Variants in PRKCZ observed in about 807,000 individuals in gnomAD.
PRKCZ encodes protein kinase C zeta.
A neutral mutation model predicts 79.5 loss-of-function variants in PRKCZ; 33 were observed. That is an observed-to-expected ratio of 0.41 (90% CI 0.31 to 0.55). The LOEUF (loss-of-function observed/expected upper bound fraction) is 0.55, where lower values mean the gene tolerates loss of function less well. PRKCZ is among the 20% of genes least tolerant of loss of function. PRKCZ has a pLI of 0.19. For missense variants in PRKCZ, 578 were observed against 813.5 expected, an observed-to-expected ratio of 0.71 and a Z score of 3.52; for synonymous variants, 342 against 320.9, an observed-to-expected ratio of 1.07 and a Z score of -0.70.
chr1:2,169,380 C>T (rs547099613), intron 10 of PRKCZ, 138 bp from the exon 11 acceptor site: 2 of 760,660 alleles, frequency 2.6e-6, no homozygotes, highest in South Asian at 2.9e-5. Context: ...CCAGGGTGCT[C>T]CTGCTGCTCT....
rs1461039682 is a variant in PRKCZ, at chr1:2,094,472, G to A, written c.334+34881G>A. On this transcript the variant is annotated intron_variant, in intron 4 of 17. Transcript: ENST00000378567. This position sits in a 1 kb window ranked among gnomAD's most constrained non-coding sequence, Gnocchi z 7.3. ...GCTGTGCCCGGCTCGTTGAACCTTG[G>A]GCGCTGCCCGTTCTGAGGCGCCCTC... Among the ~76,000 whole-genome samples the A allele has an allele frequency of 6.9e-6, 1 of 144,680 alleles. No individual in the cohort carries two copies. Among genetic ancestry groups the A allele is most frequent in the Non-Finnish European group, 1.5e-5 (1 of 66,138 alleles). The allele number at this position is 144,680 out of a possible 152,430, so 94.9% of individuals were successfully genotyped here.
intron 10 of PRKCZ, among the ~76,000 whole-genome samples, chr1:2,159,761 A>G (rs1681842761): frequency 2.0e-5 from 3 of 152,228 alleles, no homozygotes; most frequent in Admixed American, 2.0e-4. Context: ...CACCTGCTTT[A>G]TGGACAAACC....
intron 4 of PRKCZ, among the ~76,000 whole-genome samples, chr1:2,069,852 T>A (rs1045522244): frequency 6.6e-6 from 1 of 152,152 alleles, no homozygotes; most frequent in Admixed American, 6.5e-5. Flanking sequence ...GCTCTGGGGC[T>A]CCTAAGTGGG....
At position 2,153,624 on chromosome 1, in the gene PRKCZ, C is replaced by T. The variant is rs142039093; in HGVS notation, c.877-2371C>T. ...GTGTGGTGCCCTGCTGACAGCCCCG[C>T]TGCTGGCCAGCGGCAGCACAGGAGG... On this transcript the variant is annotated intron_variant, in intron 9 of 17. Coordinates refer to ENST00000378567, the MANE Select transcript of PRKCZ (RefSeq NM_002744.6). 5.3e-5 allele frequency among the ~76,000 whole-genome samples: 8 copies of T among 152,376 alleles called. No individual in the cohort carries two copies. The East Asian group carries it at 1.5e-3, about 29-fold the overall frequency.
At chr1:2,096,575 A>C (rs1000904107) in intron 4 of PRKCZ, among the ~76,000 whole-genome samples, 2 of 152,110 alleles carry the variant, frequency 1.3e-5, no homozygotes, top group African/African-American at 4.8e-5. Flanking sequence ...CTGTTGGCCT[A>C]GTTCTGACAG....
intron 4 of PRKCZ, among the ~76,000 whole-genome samples, chr1:2,102,192 C>T (rs940465785): frequency 7.2e-5 from 11 of 152,250 alleles, no homozygotes; most frequent in Middle Eastern, 3.4e-3. Context: ...GGCCCTGCCC[C>T]GACCTCCACA....
At chr1:2,184,885 C>A (rs372825167) in intron 17 of PRKCZ, 37 bp from the exon 18 acceptor site, 2 of 1,562,020 alleles carry the variant, frequency 1.3e-6, no homozygotes, top group Admixed American at 1.7e-5. Flanking sequence ...AATGAACACA[C>A]GGTCACCCCC....
intron 4 of PRKCZ, among the ~76,000 whole-genome samples, chr1:2,091,177 G>A (rs919868708): frequency 4.6e-5 from 7 of 152,082 alleles, no homozygotes; most frequent in African/African-American, 1.2e-4. Flanking sequence ...GATTACAGGC[G>A]CTTGCCACCA....
At chr1:2,132,034 A>C (rs1675079425) in intron 4 of PRKCZ, among the ~76,000 whole-genome samples, 1 of 152,180 alleles carries the variant, frequency 6.6e-6, no homozygotes, top group South Asian at 2.1e-4. Flanking sequence ...GATGGTCTCG[A>C]TCTCCTGACC....
At chr1:2,070,995 G>A (rs938223067) in intron 4 of PRKCZ, among the ~76,000 whole-genome samples, 3 of 150,574 alleles carry the variant, frequency 2.0e-5, no homozygotes, top group Non-Finnish European at 4.4e-5. Flanking sequence ...CCACAGGGAC[G>A]TGGAGGGTGC....
chr1:2,052,556 T>A (rs937430754), intron 1 of PRKCZ, among the ~76,000 whole-genome samples: 3 of 151,902 alleles, frequency 2.0e-5, no homozygotes, highest in Non-Finnish European at 4.4e-5. Flanking sequence ...GGCTCTTCCC[T>A]GCTCCTACCA....
In PRKCZ at chr1:2,125,189, A is replaced by G. The variant is rs1439544039; in HGVS notation, c.335-10073A>G. Among the ~76,000 whole-genome samples the G allele has an allele frequency of 6.6e-6, 1 of 152,214 alleles. No homozygotes were observed. Among genetic ancestry groups the G allele is most frequent in the East Asian group, 1.9e-4 (1 of 5,200 alleles). The stretch of plus-strand genomic sequence containing the variant: ...GTGTTTTGTTTGTTTTAGTGAATCC[A>G]GAAAAAAAATTTCTTACATAGAAAG... On this transcript the variant is annotated intron_variant, in intron 4 of 17. Coordinates refer to ENST00000378567, the MANE Select transcript of PRKCZ (RefSeq NM_002744.6). This position sits in a 1 kb window ranked among gnomAD's most constrained non-coding sequence, Gnocchi z 4.2.
chr1:2,129,615 G>C (rs1674583361), intron 4 of PRKCZ, among the ~76,000 whole-genome samples: 1 of 152,154 alleles, frequency 6.6e-6, no homozygotes. Context: ...CAGGCGGGTG[G>C]AAGATGAGAG....
chr1:2,058,368 C>G (rs886810362), intron 3 of PRKCZ, among the ~76,000 whole-genome samples: 1 of 144,734 alleles, frequency 6.9e-6, no homozygotes, highest in Non-Finnish European at 1.5e-5. Flanking sequence ...GTCCCAGTTA[C>G]TCGGGAGGCT....
chr1:2,172,633 G>A lies in PRKCZ; in HGVS notation c.1285+245G>A, dbSNP rs866834152. ...AGGATTCCTCCTGCCAGGGAGCCCC[G>A]GGGCACAGGGAGGGGAAAGACACAG... On this transcript the variant is annotated intron_variant, in intron 13 of 17. Coordinates refer to ENST00000378567, the MANE Select transcript of PRKCZ (RefSeq NM_002744.6). The surrounding 1 kb of genome is among the most constrained non-coding windows in gnomAD (Gnocchi z 7.8). Among the ~76,000 whole-genome samples, 1 of 152,178 alleles carries A rather than the reference G, an allele frequency of 6.6e-6. No individual in the cohort carries two copies. Among genetic ancestry groups the A allele is most frequent in the Non-Finnish European group, 1.5e-5 (1 of 68,022 alleles).
chr1:2,091,291 C>T (rs962401842), intron 4 of PRKCZ, among the ~76,000 whole-genome samples: 1 of 152,192 alleles, frequency 6.6e-6, no homozygotes, highest in East Asian at 1.9e-4. Context: ...CCCGTCTTGG[C>T]CTCCCAAAGT....
intron 4 of PRKCZ, among the ~76,000 whole-genome samples, chr1:2,095,609 C>T (rs1488312926): frequency 6.6e-6 from 1 of 152,042 alleles, no homozygotes; most frequent in Non-Finnish European, 1.5e-5. Flanking sequence ...TGGTGCCGGC[C>T]GGCTGTGCCC....
chr1:2,185,121 C>A lies in PRKCZ; in HGVS notation c.*112C>A. ...GGCTCCGAGGGCGGCCAGGGACAGA[C>A]GCTTGCGCCGAGACCGCAGAGGGAA... On this transcript the variant is annotated 3_prime_UTR_variant, in exon 18 of 18. Transcript: ENST00000378567. 9.5e-7 allele frequency: 1 copy of A among 1,050,986 alleles called. No homozygotes were observed. Among genetic ancestry groups the A allele is most frequent in the Non-Finnish European group, 1.4e-6 (1 of 709,000 alleles). 65.1% of individuals were successfully genotyped at this position (1,050,986 alleles called of 1,614,324 possible). A position where few individuals can be genotyped will look rare whatever the true frequency, so the allele number is the denominator to read the frequency against.
chr1:2,105,179 C>T (rs773057658), intron 4 of PRKCZ, among the ~76,000 whole-genome samples: 5 of 152,220 alleles, frequency 3.3e-5, no homozygotes, highest in Non-Finnish European at 5.9e-5. Context: ...TCCTTCCAAA[C>T]CTGCTCGTCA....
Sources: allele counts gnomAD v4.1 joint callset (sites outside exome capture counted in the v4.1 genomes callset), GRCh38; gene constraint gnomAD v4.1.1; non-coding constraint Gnocchi (gnomAD v3.1); transcripts MANE v1.5; gene names NCBI Gene and HGNC (gene_info 2026-07-23, HGNC 2026-07-21).